The following MLLT10 variants were observed in gnomAD, a reference collection of about 807,000 sequenced individuals.
MLLT10 encodes the protein protein AF-10.
Under a neutral mutation model 129.1 loss-of-function variants are expected in MLLT10, and 30 were observed. That is an observed-to-expected ratio of 0.23 (90% CI 0.17 to 0.32). The LOEUF (loss-of-function observed/expected upper bound fraction) is 0.32. MLLT10 is among the 10% of genes least tolerant of loss of function. The pLI is 1.00. For synonymous variants in MLLT10, 490 were observed against 446.4 expected (o/e 1.10, Z -1.23); for missense variants, 1,119 against 1,268.3 (o/e 0.88, Z 1.79).
intron 15 of MLLT10, among the ~76,000 whole-genome samples, chr10:21,726,728 T>A (rs930249448): frequency 1.3e-4 from 18 of 141,988 alleles, no homozygotes; most frequent in Non-Finnish European, 3.0e-5. Context: ...TGGAAATGTT[T>A]CAACAGAGCC....
At chr10:21,666,318 A>G (rs1792107640) in intron 9 of MLLT10, among the ~76,000 whole-genome samples, 1 of 152,058 alleles carries the variant, frequency 6.6e-6, no homozygotes, top group African/African-American at 2.4e-5. Flanking sequence ...TACATATATT[A>G]TAAAACACAA....
chr10:21,594,641 A>C (rs1193068531), intron 4 of MLLT10, among the ~76,000 whole-genome samples: 1 of 151,460 alleles, frequency 6.6e-6, no homozygotes, highest in Non-Finnish European at 1.5e-5. Context: ...AAAAGTGGCC[A>C]AAAACTGTAC....
At chr10:21,544,254 C>T (rs186854315) in intron 3 of MLLT10, among the ~76,000 whole-genome samples, 1 of 152,332 alleles carries the variant, frequency 6.6e-6, no homozygotes, top group African/African-American at 2.4e-5. Flanking sequence ...TACCTCAGCT[C>T]CTGATATTTT....
At position 21,580,868 on chromosome 10, in the gene MLLT10, AT is replaced by A. The variant is rs71393910; in HGVS notation, c.241-5401del. Among the ~76,000 whole-genome samples the A allele has an allele frequency of 9.6e-5, 7 of 73,274 alleles. 1 individual carries two copies. The highest frequency in any genetic ancestry group is 2.8e-4 in the African/African-American group (5 of 17,964). The allele number at this position is 73,274 out of a possible 152,430, so 48.1% of individuals were successfully genotyped here. A position where few individuals can be genotyped will look rare whatever the true frequency, so the allele number is the denominator to read the frequency against. On this transcript the variant is annotated intron_variant, in intron 3 of 22. Coordinates refer to ENST00000307729, the MANE Select transcript of MLLT10 (RefSeq NM_001195626.3). ...AGGTGCACACCACCACGCCCAGCTC[AT>A]TTTTTTTTTTTTTTTTTTTTTTTTA...
chr10:21,624,502 T>C, intron 8 of MLLT10: 1 of 730,764 alleles, frequency 1.4e-6, no homozygotes, highest in Non-Finnish European at 2.1e-6. Context: ...TACTTAAAGA[T>C]GAAACAGTTA....
At chr10:21,664,298 T>G (rs1564605368) in intron 9 of MLLT10, among the ~76,000 whole-genome samples, 1 of 151,886 alleles carries the variant, frequency 6.6e-6, no homozygotes, top group Non-Finnish European at 1.5e-5. Context: ...GTGTTTTTTT[T>G]TTGTTTGCTT....
chr10:21,702,831 G>GT (rs1564677771), intron 13 of MLLT10, among the ~76,000 whole-genome samples: 2 of 152,118 alleles, frequency 1.3e-5, no homozygotes, highest in Admixed American at 6.5e-5. Flanking sequence ...GGTGAAGTGT[G>GT]TTTTTTGTGG....
chr10:21,546,114 A>G (rs2036032575), intron 3 of MLLT10, among the ~76,000 whole-genome samples: 1 of 152,162 alleles, frequency 6.6e-6, no homozygotes, highest in East Asian at 1.9e-4. Flanking sequence ...GTCTTGCTCC[A>G]TCGCCCAGGC....
At chr10:21,613,640 G>A (rs1277464409) in intron 6 of MLLT10, among the ~76,000 whole-genome samples, 2 of 151,182 alleles carry the variant, frequency 1.3e-5, no homozygotes, top group Admixed American at 6.6e-5. Flanking sequence ...TGTGGCTTAC[G>A]CCTGTAATCC....
chr10:21,702,275 GTTGA>G, intron 13 of MLLT10, among the ~76,000 whole-genome samples: 1 of 152,140 alleles, frequency 6.6e-6, no homozygotes, highest in East Asian at 1.9e-4. Context: ...TCCTCTTTGT[GTTGA>G]TTTTTAATTT....
chr10:21,643,299 C>T (rs2048190747), intron 8 of MLLT10, among the ~76,000 whole-genome samples: 1 of 152,188 alleles, frequency 6.6e-6, no homozygotes, highest in African/African-American at 2.4e-5. Flanking sequence ...TTCCAAAGTA[C>T]TGGGGTTACA....
rs895032635 is a variant in MLLT10, at chr10:21,608,344, CT to C, written c.406-3994del. On this transcript the variant is annotated intron_variant, in intron 5 of 22. Transcript: ENST00000307729. The stretch of plus-strand genomic sequence containing the variant: ...ACCATCACGCCTGGATAATTTTTTT[CT>C]TTTTTTTTTAAAGTAGAGGTGAGGT... Among the ~76,000 whole-genome samples, 581 of 146,316 alleles carry C rather than the reference CT, an allele frequency of 4.0e-3. 5 individuals carry two copies. Among genetic ancestry groups the C allele is most frequent in the African/African-American group, 0.013 (538 of 39,968 alleles).
chr10:21,720,814 G>A (rs2057075894), intron 14 of MLLT10, among the ~76,000 whole-genome samples: 1 of 152,126 alleles, frequency 6.6e-6, no homozygotes, highest in Admixed American at 6.5e-5. Context: ...AATTTTTAAA[G>A]TTAAGCTAAA....
intron 4 of MLLT10, among the ~76,000 whole-genome samples, chr10:21,592,298 A>G (rs1459590916): frequency 6.6e-6 from 1 of 152,024 alleles, no homozygotes; most frequent in African/African-American, 2.4e-5. Context: ...TTTTCCTATT[A>G]CTCAAGGAAA....
At chr10:21,584,135 T>C (rs1363320634) in intron 3 of MLLT10, among the ~76,000 whole-genome samples, 1 of 151,656 alleles carries the variant, frequency 6.6e-6, no homozygotes. Context: ...CCCAAAGTGC[T>C]GGGAATACAG....
chr10:21,592,040 G>A (rs1170360423), intron 4 of MLLT10, among the ~76,000 whole-genome samples: 3 of 152,080 alleles, frequency 2.0e-5, no homozygotes, highest in Non-Finnish European at 2.9e-5. Flanking sequence ...CACTTAACAC[G>A]AAATGTAGAA....
rs1564638679 is a variant in MLLT10, at chr10:21,682,229, C to T, written c.1671C>T (p.Phe557=). ...CCTTTTTTCCTTACTTAAAAGCGTT[C>T]TCAGAGTTGCTGAATGCAATACACA... The part of the protein sequence containing the change: ...RHDGACPTTT[F]SELLNAIHNG... The change falls in exon 13 of 23, where the codon TTC becomes TTT. Residue 557 remains phenylalanine (F), a synonymous_variant. Coordinates refer to ENST00000307729, the MANE Select transcript of MLLT10 (RefSeq NM_001195626.3). 6.2e-7 allele frequency: 1 copy of T among 1,610,570 alleles called. No individual in the cohort carries two copies. Among genetic ancestry groups the T allele is most frequent in the East Asian group, 2.2e-5 (1 of 44,690 alleles).
At chr10:21,697,352 A>G (rs1406521040) in intron 13 of MLLT10, among the ~76,000 whole-genome samples, 1 of 151,944 alleles carries the variant, frequency 6.6e-6, no homozygotes, top group African/African-American at 2.4e-5. Context: ...TGTAATCCCA[A>G]CTACTCAGGA....
At chr10:21,535,022 G>T (rs1453919133) in intron 2 of MLLT10, among the ~76,000 whole-genome samples, 1 of 149,596 alleles carries the variant, frequency 6.7e-6, no homozygotes, top group Non-Finnish European at 1.5e-5. Context: ...TCTCTCAAGT[G>T]TCATTCGGCC....
Sources: allele counts gnomAD v4.1 joint callset (sites outside exome capture counted in the v4.1 genomes callset), GRCh38; gene constraint gnomAD v4.1.1; transcripts MANE v1.5; gene names NCBI Gene and HGNC (gene_info 2026-07-23, HGNC 2026-07-21).